CTNNA3: variants seen among roughly 807,000 people sequenced by gnomAD.
CTNNA3 encodes the protein catenin alpha 3, also known as catenin alpha-3.
In CTNNA3, 76 loss-of-function variants were observed where a neutral mutation model predicts 95.7. The observed-to-expected ratio is 0.79, with a 90% CI of 0.66 to 0.96. The LOEUF is 0.96. Among genes scored for constraint, CTNNA3 ranks in the 40% least tolerant of loss-of-function variants. The pLI, the probability that CTNNA3 is intolerant of heterozygous loss-of-function variation, is 0.00. For synonymous variants in CTNNA3, 431 were observed against 374.4 expected (o/e 1.15, Z -1.74); for missense variants, 1,191 against 1,089.8 (o/e 1.09, Z -1.31).
At chr10:66,468,487 C>T (rs1464541768) in intron 11 of CTNNA3, among the ~76,000 whole-genome samples, 1 of 151,724 alleles carries the variant, frequency 6.6e-6, no homozygotes, top group East Asian at 1.9e-4. Flanking sequence ...TGGGAAAATG[C>T]TGGTCAAGGT....
intron 1 of CTNNA3, among the ~76,000 whole-genome samples, chr10:67,712,497 C>A (rs539557700): frequency 1.3e-5 from 2 of 152,194 alleles, no homozygotes; most frequent in Admixed American, 1.3e-4. Flanking sequence ...CTGTGTGCAG[C>A]CTAGGGACTT....
chr10:66,025,007 A>G (rs2079307257), intron 15 of CTNNA3, among the ~76,000 whole-genome samples: 1 of 152,234 alleles, frequency 6.6e-6, no homozygotes, highest in African/African-American at 2.4e-5. Flanking sequence ...TAAATACTAA[A>G]TCTAGCAGTG....
At chr10:67,165,701 C>T (rs184271138) in intron 7 of CTNNA3, among the ~76,000 whole-genome samples, 2 of 151,978 alleles carry the variant, frequency 1.3e-5, no homozygotes, top group African/African-American at 4.8e-5. Flanking sequence ...ATTCCTGGGA[C>T]GAAAATGAGA....
At chr10:67,018,368 C>T (rs1852790172) in intron 7 of CTNNA3, among the ~76,000 whole-genome samples, 1 of 152,334 alleles carries the variant, frequency 6.6e-6, no homozygotes, top group South Asian at 2.1e-4. Flanking sequence ...TTAAAGGCAA[C>T]ACCCCTTAAG....
chr10:66,980,565 T>TTCTGTTTCCCAAGCAAAAATCAGA (rs1564809959), intron 7 of CTNNA3, among the ~76,000 whole-genome samples: 3 of 152,092 alleles, frequency 2.0e-5, no homozygotes, highest in African/African-American at 4.8e-5. Context: ...GAGACCTTCC[T>TTCTGTTTCCCAAGCAAAAATCAGA]ACCCACCTGT....
intron 10 of CTNNA3, among the ~76,000 whole-genome samples, chr10:66,597,034 A>G (rs1843734613): frequency 6.6e-6 from 1 of 152,094 alleles, no homozygotes; most frequent in Non-Finnish European, 1.5e-5. Context: ...GAATAAAATT[A>G]ATGAAATGAA....
intron 7 of CTNNA3, among the ~76,000 whole-genome samples, chr10:67,067,951 T>C (rs1856194657): frequency 6.6e-6 from 1 of 152,214 alleles, no homozygotes; most frequent in African/African-American, 2.4e-5. Context: ...TAAAGGTTTG[T>C]CCTGGCTTCA....
intron 9 of CTNNA3, among the ~76,000 whole-genome samples, chr10:66,674,600 T>G (rs1293558868): frequency 1.3e-5 from 2 of 152,098 alleles, no homozygotes; most frequent in African/African-American, 4.8e-5. Flanking sequence ...CAAATATCAA[T>G]GAGGACATCA....
intron 11 of CTNNA3, among the ~76,000 whole-genome samples, chr10:66,512,415 T>C (rs558719915): frequency 1.3e-5 from 2 of 152,162 alleles, no homozygotes; most frequent in East Asian, 3.9e-4. Context: ...ATTTTGTTAG[T>C]TGTTTTGTAA....
At chr10:66,759,031 C>A (rs1839490598) in intron 9 of CTNNA3, among the ~76,000 whole-genome samples, 1 of 152,090 alleles carries the variant, frequency 6.6e-6, no homozygotes, top group Non-Finnish European at 1.5e-5. Context: ...GTTAATGTTG[C>A]TGAAAAACAA....
chr10:66,065,439 T>C (rs1418100320), intron 15 of CTNNA3, among the ~76,000 whole-genome samples: 1 of 152,196 alleles, frequency 6.6e-6, no homozygotes, highest in African/African-American at 2.4e-5. Context: ...CTTGAGTCTC[T>C]TTGTTTTTTG....
chr10:66,082,365 T>A (rs1413652251), intron 14 of CTNNA3, among the ~76,000 whole-genome samples: 1 of 152,028 alleles, frequency 6.6e-6, no homozygotes, highest in Non-Finnish European at 1.5e-5. Context: ...GAGGAAAACA[T>A]AAGACAAATT....
At chr10:66,784,580 T>C (rs1474231471) in intron 7 of CTNNA3, among the ~76,000 whole-genome samples, 1 of 152,174 alleles carries the variant, frequency 6.6e-6, no homozygotes, top group African/African-American at 2.4e-5. Context: ...AAAATCTCCA[T>C]CTAATATTTG....
chr10:66,339,811 A>G (rs1255876024), intron 12 of CTNNA3, among the ~76,000 whole-genome samples: 1 of 151,854 alleles, frequency 6.6e-6, no homozygotes, highest in Non-Finnish European at 1.5e-5. Context: ...TGGTTTACCT[A>G]TGAGATTAAG....
chr10:67,485,860 C>A (rs1407820192), intron 5 of CTNNA3, among the ~76,000 whole-genome samples: 1 of 152,178 alleles, frequency 6.6e-6, no homozygotes, highest in Non-Finnish European at 1.5e-5. Context: ...GACGTCTCTT[C>A]CTTTTAAAGC....
chr10:66,993,890 T>A (rs1185462823), intron 7 of CTNNA3, among the ~76,000 whole-genome samples: 1 of 152,156 alleles, frequency 6.6e-6, no homozygotes, highest in Non-Finnish European at 1.5e-5. Context: ...CTTAGACAAA[T>A]TTTTGTCTTG....
intron 7 of CTNNA3, among the ~76,000 whole-genome samples, chr10:66,965,644 T>C (rs914476833): frequency 2.0e-5 from 3 of 151,458 alleles, no homozygotes; most frequent in African/African-American, 7.3e-5. Context: ...CTAACGAACT[T>C]CCACGTAGAG....
chr10:67,085,854 G>A (rs547552248), intron 7 of CTNNA3, among the ~76,000 whole-genome samples: 23 of 152,064 alleles, frequency 1.5e-4, no homozygotes, highest in Non-Finnish European at 2.8e-4. Flanking sequence ...GATAGATTAT[G>A]TTAATATCAA....
chr10:66,224,687 G>A (rs942649313), intron 13 of CTNNA3, among the ~76,000 whole-genome samples: 1 of 152,140 alleles, frequency 6.6e-6, no homozygotes, highest in Non-Finnish European at 1.5e-5. Context: ...ACTAAGAAAT[G>A]TCTACTCCAA....
Sources: gnomAD v4.1 joint callset for allele counts (sites outside exome capture counted in the v4.1 genomes callset) on GRCh38, gnomAD v4.1.1 for gene constraint, MANE v1.5 for transcripts, NCBI Gene and HGNC (gene_info 2026-07-23, HGNC 2026-07-21) for gene names.